The following PRSS12 variants were observed in gnomAD, a reference collection of about 807,000 sequenced individuals.
PRSS12 encodes the protein serine protease 12.
PRSS12 carries 85 observed loss-of-function variants against 104.4 expected under a neutral mutation model. The ratio of observed to expected loss-of-function variants is 0.81; its 90% CI spans 0.68 to 0.98. The LOEUF (loss-of-function observed/expected upper bound fraction) is 0.98. Among genes scored for constraint, PRSS12 ranks in the 50% least tolerant of loss-of-function variants. The pLI is 0.00. For synonymous variants in PRSS12, 454 were observed against 425.2 expected (o/e 1.07, Z -0.83); for missense variants, 1,141 against 1,139.2 (o/e 1.00, Z -0.02).
chr4:118,283,841 G>T (rs553980370), intron 11 of PRSS12, among the ~76,000 whole-genome samples: 1 of 152,158 alleles, frequency 6.6e-6, no homozygotes, highest in South Asian at 2.1e-4. Context: ...CCTCCTCCCT[G>T]CTTGAGTCAA....
rs1279981806 is a variant in PRSS12, at chr4:118,281,205, T to C, written c.*731A>G. 1 of 152,472 alleles carries C rather than the reference T, an allele frequency of 6.6e-6. No homozygotes were observed. Among genetic ancestry groups the C allele is most frequent in the African/African-American group, 2.4e-5 (1 of 41,442 alleles). The allele number at this position is 152,472 out of a possible 1,614,324, so 9.4% of individuals were successfully genotyped here. On this transcript the variant is annotated 3_prime_UTR_variant, in exon 13 of 13. Coordinates refer to ENST00000296498, the MANE Select transcript of PRSS12 (RefSeq NM_003619.4). ...ATGTTAATGTGTTGGATAAAATAGGTTGTATGTCCAGCTGGCATTTAGTTA... is the reference window on the plus strand; with the variant it reads ...ATGTTAATGTGTTGGATAAAATAGGCTGTATGTCCAGCTGGCATTTAGTTA...
intron 5 of PRSS12, 53 bp from the exon 6 acceptor site, chr4:118,316,376 C>T (rs1377060663): frequency 6.2e-7 from 1 of 1,607,620 alleles, no homozygotes; most frequent in East Asian, 2.2e-5. Flanking sequence ...CAAAAAAAGG[C>T]AAAACAACAT....
chr4:118,292,676 C>T (rs955039313), intron 11 of PRSS12, among the ~76,000 whole-genome samples: 2 of 152,086 alleles, frequency 1.3e-5, no homozygotes, highest in African/African-American at 4.8e-5. Flanking sequence ...TCAGGTAACA[C>T]AGGAATGTGT....
chr4:118,336,596 C>T (rs1299889721), intron 2 of PRSS12, among the ~76,000 whole-genome samples: 2 of 151,964 alleles, frequency 1.3e-5, no homozygotes, highest in Non-Finnish European at 2.9e-5. Context: ...AGAGATGATA[C>T]TATATAAGCA....
intron 3 of PRSS12, among the ~76,000 whole-genome samples, chr4:118,332,129 C>T (rs1723937383): frequency 6.6e-6 from 1 of 152,032 alleles, no homozygotes; most frequent in African/African-American, 2.4e-5. Flanking sequence ...ACCTCAGAAA[C>T]TAGAAAAGGC....
At chr4:118,304,092 G>A (rs1743470796) in intron 8 of PRSS12, among the ~76,000 whole-genome samples, 1 of 151,788 alleles carries the variant, frequency 6.6e-6, no homozygotes, top group Non-Finnish European at 1.5e-5. Flanking sequence ...AGAGACACCT[G>A]AAACTTGTTA....
At chr4:118,283,678 G>C (rs1560762322) in intron 11 of PRSS12, among the ~76,000 whole-genome samples, 3 of 152,054 alleles carry the variant, frequency 2.0e-5, no homozygotes, top group Non-Finnish European at 4.4e-5. Context: ...CCTCAATGAA[G>C]CCTACTTTGA....
chr4:118,292,936 C>A (rs1743162407), intron 11 of PRSS12, among the ~76,000 whole-genome samples: 1 of 151,918 alleles, frequency 6.6e-6, no homozygotes, highest in African/African-American at 2.4e-5. Flanking sequence ...AATCCTTAAA[C>A]CTGGCAGGGC....
rs1724043405 is a variant in PRSS12 at position 118,335,553 on chromosome 4, A to G, written c.740T>C (p.Leu247Pro). The change falls in exon 3 of 13, where the codon CTG becomes CCG. Residue 247 changes from leucine to proline, a missense_variant. Leu to Pro is a moderately conservative substitution (Grantham distance 98, BLOSUM62 -3). Transcript: ENST00000296498. ...CTGCCAGATGTCTTTTTCACAAAGC[A>G]GTATATTTTCTTCATCTCCTCGGCA... ...VRCRGDEENI[L>P]LCEKDIWQGG... 6.2e-7 allele frequency: 1 copy of G among 1,614,158 alleles called. No individual in the cohort carries two copies. Among genetic ancestry groups the G allele is most frequent in the Non-Finnish European group, 8.5e-7 (1 of 1,179,978 alleles).
intron 1 of PRSS12, among the ~76,000 whole-genome samples, chr4:118,349,070 G>A (rs796583990): frequency 1.3e-5 from 2 of 151,438 alleles, no homozygotes; most frequent in South Asian, 4.3e-4. Context: ...TGGCTCACCT[G>A]AGGTCCCCAC....
At chr4:118,289,340 A>T (rs935836083) in intron 11 of PRSS12, among the ~76,000 whole-genome samples, 7 of 152,208 alleles carry the variant, frequency 4.6e-5, no homozygotes, top group Admixed American at 6.5e-5. Context: ...AGAATTAGGT[A>T]CCAAGGAAGC....
intron 9 of PRSS12, among the ~76,000 whole-genome samples, chr4:118,296,873 G>GT (rs1439207936): frequency 6.6e-6 from 1 of 152,118 alleles, no homozygotes; most frequent in East Asian, 1.9e-4. Context: ...ACTGCAAATT[G>GT]TAAGATATTA....
intron 11 of PRSS12, among the ~76,000 whole-genome samples, chr4:118,284,484 T>G (rs1318473101): frequency 6.6e-6 from 1 of 152,160 alleles, no homozygotes; most frequent in East Asian, 1.9e-4. Flanking sequence ...CTGCAATGAG[T>G]GTATTCTCCA....
chr4:118,306,456 T>A (rs1408359085), intron 8 of PRSS12, among the ~76,000 whole-genome samples: 1 of 152,314 alleles, frequency 6.6e-6, no homozygotes, highest in Non-Finnish European at 1.5e-5. Flanking sequence ...CTTCTGCTGA[T>A]GCCCAGGGAG....
intron 3 of PRSS12, among the ~76,000 whole-genome samples, chr4:118,333,675 A>T (rs947129546): frequency 1.3e-5 from 2 of 152,234 alleles, no homozygotes; most frequent in Non-Finnish European, 2.9e-5. Context: ...ACAGAAAAAC[A>T]AAAATTTTTA....
intron 1 of PRSS12, among the ~76,000 whole-genome samples, chr4:118,341,645 G>A (rs561537782): frequency 6.6e-6 from 1 of 152,230 alleles, no homozygotes; most frequent in South Asian, 2.1e-4. Context: ...TCTCACCACT[G>A]CATTCCAGCC....
Position 118,338,164 on chromosome 4 carries a change from G to T in PRSS12, c.641+12C>A. On this transcript the variant is annotated intron_variant, in intron 2 of 12. Coordinates refer to ENST00000296498, the MANE Select transcript of PRSS12 (RefSeq NM_003619.4). ...CTAGCTGACTGATTTGGTCAGGGAT[G>T]GGTACACTCACCCCAGCTGCAGCTG... is the stretch of plus-strand genomic sequence containing the variant. 1 of 1,613,932 alleles carries T rather than the reference G, an allele frequency of 6.2e-7. No homozygotes were observed. The highest frequency in any genetic ancestry group is 8.5e-7 in the Non-Finnish European group (1 of 1,179,892).
In PRSS12 at chr4:118,281,741, TTA is replaced by T. The variant is rs1463849639; in HGVS notation, c.*193_*194del. 3.3e-6 allele frequency: 2 copies of T among 609,834 alleles called. No individual in the cohort carries two copies. Among genetic ancestry groups the T allele is most frequent in the Non-Finnish European group, 5.9e-6 (2 of 340,924 alleles). 37.8% of individuals were successfully genotyped at this position (609,834 alleles called of 1,614,324 possible). On this transcript the variant is annotated 3_prime_UTR_variant, in exon 13 of 13. Coordinates refer to ENST00000296498, the MANE Select transcript of PRSS12 (RefSeq NM_003619.4). ...AGGGTAGAAAATGTTCATTTAAGGA[TTA>T]TCACTTCCACTACACTGAGGCCTCT...
chr4:118,281,750 C>T lies in PRSS12; in HGVS notation c.*186G>A, dbSNP rs1742861920. On this transcript the variant is annotated 3_prime_UTR_variant, in exon 13 of 13. Coordinates refer to ENST00000296498, the MANE Select transcript of PRSS12 (RefSeq NM_003619.4). ...AATGTTCATTTAAGGATTATCACTTCCACTACACTGAGGCCTCTGAAAATG... is the reference window on the plus strand; with the variant it reads ...AATGTTCATTTAAGGATTATCACTTTCACTACACTGAGGCCTCTGAAAATG... 1 of 625,660 alleles carries T rather than the reference C, an allele frequency of 1.6e-6. No individual in the cohort carries two copies. The highest frequency in any genetic ancestry group is 1.9e-5 in the South Asian group (1 of 53,990). The allele number at this position is 625,660 out of a possible 1,614,324, so 38.8% of individuals were successfully genotyped here.
Sources: gnomAD v4.1 joint callset for allele counts (sites outside exome capture counted in the v4.1 genomes callset) on GRCh38, gnomAD v4.1.1 for gene constraint, MANE v1.5 for transcripts, NCBI Gene and HGNC (gene_info 2026-07-23, HGNC 2026-07-21) for gene names.